The following RELN variants were observed in gnomAD, a reference collection of about 807,000 sequenced individuals.
RELN encodes reelin.
A neutral mutation model predicts 427.6 loss-of-function variants in RELN; 108 were observed. The observed-to-expected ratio is 0.25, with a 90% confidence interval of 0.22 to 0.30. RELN has a LOEUF of 0.30. RELN is among the 10% of genes least tolerant of loss of function. The pLI is 1.00. For synonymous variants in RELN, 1,524 were observed against 1,513.4 expected, an observed-to-expected ratio of 1.01 and a Z score of -0.16; for missense variants, 3,715 against 4,302.8, an observed-to-expected ratio of 0.86 and a Z score of 3.82.
chr7:103,645,430 G>A (rs1376330055), intron 16 of RELN, among the ~76,000 whole-genome samples: 1 of 151,382 alleles, frequency 6.6e-6, no homozygotes, highest in Non-Finnish European at 1.5e-5. Flanking sequence ...ATAAAGGGAT[G>A]GAAAAACATA....
At chr7:103,796,484 T>A (rs12670209) in intron 3 of RELN, among the ~76,000 whole-genome samples, 2 of 152,198 alleles carry the variant, frequency 1.3e-5, no homozygotes. Flanking sequence ...GTGAGAAGAA[T>A]AGAAATAATC....
chr7:103,772,699 T>C (rs893690011), intron 4 of RELN, among the ~76,000 whole-genome samples: 1 of 151,960 alleles, frequency 6.6e-6, no homozygotes, highest in Non-Finnish European at 1.5e-5. Flanking sequence ...CAAAGAAAAC[T>C]TGGAGAGTAT....
intron 2 of RELN, among the ~76,000 whole-genome samples, chr7:103,896,738 T>C (rs1399771884): frequency 6.6e-6 from 1 of 152,116 alleles, no homozygotes; most frequent in Non-Finnish European, 1.5e-5. Flanking sequence ...TATCATTGGA[T>C]ACAAACTTTA....
chr7:103,625,089 T>C (rs1719763754), intron 20 of RELN, among the ~76,000 whole-genome samples: 2 of 152,218 alleles, frequency 1.3e-5, no homozygotes, highest in African/African-American at 4.8e-5. Flanking sequence ...AGTAGAGTCA[T>C]AGTACTTTTT....
At chr7:103,665,660 T>C (rs1213844587) in intron 11 of RELN, among the ~76,000 whole-genome samples, 1 of 152,178 alleles carries the variant, frequency 6.6e-6, no homozygotes, top group Non-Finnish European at 1.5e-5. Context: ...TTTGGTATTC[T>C]AAAATTTTTC....
At chr7:103,751,528 C>T (rs1327385690) in intron 5 of RELN, among the ~76,000 whole-genome samples, 4 of 152,226 alleles carry the variant, frequency 2.6e-5, no homozygotes, top group African/African-American at 7.2e-5. Flanking sequence ...TGGATATACA[C>T]TGGAGAGAAC....
chr7:103,472,249 G>T lies in RELN; in HGVS notation c.*563C>A, dbSNP rs150458916. 773 of 160,462 alleles carry T rather than the reference G, an allele frequency of 4.8e-3. 10 individuals carry two copies. The highest frequency in any genetic ancestry group is 0.017 in the African/African-American group (687 of 41,582). 9.9% of individuals were successfully genotyped at this position (160,462 alleles called of 1,614,324 possible). A position where few individuals can be genotyped will look rare whatever the true frequency, so the allele number is the denominator to read the frequency against. The stretch of plus-strand genomic sequence containing the variant: ...ACAATATCTTTACAACTATCTTCTT[G>T]AATAGGTATTTCAATTAATTTTCTG... On this transcript the variant is annotated 3_prime_UTR_variant, in exon 65 of 65. Transcript: ENST00000428762.
intron 5 of RELN, among the ~76,000 whole-genome samples, chr7:103,750,066 G>C (rs1790958144): frequency 6.6e-6 from 1 of 152,088 alleles, no homozygotes; most frequent in Non-Finnish European, 1.5e-5. Flanking sequence ...TGCAACCTTA[G>C]TCTCCTGGGT....
At chr7:103,624,168 A>T (rs1369976991) in intron 20 of RELN, among the ~76,000 whole-genome samples, 2 of 151,998 alleles carry the variant, frequency 1.3e-5, no homozygotes, top group Admixed American at 6.6e-5. Context: ...TATACAAATA[A>T]TTTTTTCTTG....
chr7:103,936,755 C>G (rs62487054), intron 1 of RELN, among the ~76,000 whole-genome samples: 5 of 88,640 alleles, frequency 5.6e-5, no homozygotes, highest in Admixed American at 1.1e-4. Flanking sequence ...CACACACACA[C>G]ACACACACAC....
chr7:103,963,134 C>CTT (rs61170235), intron 1 of RELN, among the ~76,000 whole-genome samples: 1 of 139,322 alleles, frequency 7.2e-6, no homozygotes, highest in African/African-American at 2.7e-5. Flanking sequence ...TTTTCGCCTT[C>CTT]TTTTTTTTTT....
chr7:103,572,251 T>A lies in RELN; in HGVS notation c.4521A>T (p.Gln1507His). ...TTTTGCTTCCAATTTGTATATAAAATTGAACAAGTCTGGGGAATAAAAACT... is the reference window on the plus strand; with the variant it reads ...TTTTGCTTCCAATTTGTATATAAAAATGAACAAGTCTGGGGAATAAAAACT... ...PLDTRNIRLV[Q>H]FYIQIGSKTS... Residue 1507 changes from glutamine (Q) to histidine (H), a missense_variant, in exon 31 of 65, where the codon CAA (glutamine) becomes CAT (histidine). Gln to His is a conservative substitution (Grantham distance 24). Coordinates refer to ENST00000428762, the MANE Select transcript of RELN (RefSeq NM_005045.4). The A allele has an allele frequency of 6.4e-7, 1 of 1,566,400 alleles. No homozygotes were observed. Among genetic ancestry groups the A allele is most frequent in the Non-Finnish European group, 8.8e-7 (1 of 1,136,630 alleles).
chr7:103,597,880 T>C (rs1486994761), intron 24 of RELN, among the ~76,000 whole-genome samples: 4 of 152,184 alleles, frequency 2.6e-5, no homozygotes, highest in Non-Finnish European at 4.4e-5. Context: ...TTTCAGCTAA[T>C]GGGGCTGAAG....
intron 58 of RELN, 30 bp from the exon 59 acceptor site, chr7:103,490,859 A>T (rs374223016): frequency 6.2e-7 from 1 of 1,612,414 alleles, no homozygotes; most frequent in African/African-American, 1.3e-5. Flanking sequence ...TTGTTAGACA[A>T]ATTGTAAGAG....
chr7:103,869,099 G>T (rs963640063), intron 2 of RELN, among the ~76,000 whole-genome samples: 5 of 152,028 alleles, frequency 3.3e-5, no homozygotes, highest in African/African-American at 1.2e-4. Context: ...GTGCATAAAG[G>T]GTTGGGGGCA....
rs879503779 is a variant in RELN at position 103,594,352 on chromosome 7, ATCTGCT to A, written c.3674_3679del (p.Lys1225_Gln1226del). 6.2e-7 allele frequency: 1 copy of A among 1,614,016 alleles called. No individual in the cohort carries two copies. The highest frequency in any genetic ancestry group is 8.5e-7 in the Non-Finnish European group (1 of 1,179,920). Reference sequence around the variant, plus strand: ...TAAAGTTGGATTGATAACTGGGATGATCTGCTTCTGCTTCTCGGACAGAATGATGAT... The same window carrying A: ...TAAAGTTGGATTGATAACTGGGATGATCTGCTTCTCGGACAGAATGATGAT... On this transcript the variant is annotated inframe_deletion, in exon 26 of 65. Coordinates refer to ENST00000428762, the MANE Select transcript of RELN (RefSeq NM_005045.4).
chr7:103,732,524 T>C (rs1422862155), intron 6 of RELN, among the ~76,000 whole-genome samples: 1 of 152,100 alleles, frequency 6.6e-6, no homozygotes, highest in Non-Finnish European at 1.5e-5. Flanking sequence ...AATTTCATGA[T>C]GAACACAATG....
chr7:103,500,394 CAAT>C (rs149534236), intron 53 of RELN, among the ~76,000 whole-genome samples: 1,930 of 150,630 alleles, frequency 0.013, 33 homozygotes, highest in African/African-American at 0.045. Context: ...ACAATAATAA[CAAT>C]AATATCTTCC....
intron 1 of RELN, among the ~76,000 whole-genome samples, chr7:103,973,105 G>A (rs1370146412): frequency 6.6e-6 from 1 of 152,180 alleles, no homozygotes; most frequent in Non-Finnish European, 1.5e-5. Context: ...TGCCCTGAAG[G>A]TTTAAGTAAA....
Sources: allele counts gnomAD v4.1 joint callset (sites outside exome capture counted in the v4.1 genomes callset), GRCh38; gene constraint gnomAD v4.1.1; transcripts MANE v1.5; gene names NCBI Gene and HGNC (gene_info 2026-07-23, HGNC 2026-07-21).